The following GRIN2A variants were observed in gnomAD, a reference collection of about 807,000 sequenced individuals.
GRIN2A encodes the protein glutamate receptor ionotropic, NMDA 2A.
Under a neutral mutation model 113.4 loss-of-function variants are expected in GRIN2A, and 22 were observed. The observed-to-expected ratio is 0.19, with a 90% confidence interval of 0.14 to 0.28. GRIN2A has a LOEUF of 0.28. Among genes scored for constraint, GRIN2A ranks in the 10% least tolerant of loss-of-function variants. The pLI, the probability that GRIN2A is intolerant of heterozygous loss-of-function variation, is 1.00. For synonymous variants in GRIN2A, 827 were observed against 738.4 expected, an observed-to-expected ratio of 1.12 and a Z score of -1.94; for missense variants, 1,502 against 1,887.0, an observed-to-expected ratio of 0.80 and a Z score of 3.78.
chr16:10,162,047 G>A (rs943513223), intron 2 of GRIN2A, among the ~76,000 whole-genome samples: 39 of 152,216 alleles, frequency 2.6e-4, no homozygotes, highest in African/African-American at 9.2e-4. Flanking sequence ...GAATTAGAAT[G>A]TGGATGTCTT....
intron 2 of GRIN2A, among the ~76,000 whole-genome samples, chr16:10,170,706 G>A (rs1000404956): frequency 2.6e-5 from 4 of 151,654 alleles, no homozygotes; most frequent in East Asian, 1.9e-4. Context: ...TGAGACCCCC[G>A]TCTCTACCAA....
intron 2 of GRIN2A, among the ~76,000 whole-genome samples, chr16:10,123,481 G>A (rs576333294): frequency 2.0e-5 from 3 of 152,240 alleles, no homozygotes; most frequent in East Asian, 1.9e-4. Flanking sequence ...TACTGAAGTC[G>A]CACGTTGTTT....
At chr16:9,924,810 C>T (rs1051200077) in intron 3 of GRIN2A, among the ~76,000 whole-genome samples, 12 of 152,084 alleles carry the variant, frequency 7.9e-5, no homozygotes, top group Admixed American at 2.0e-4. Context: ...ATTAATCCAT[C>T]CAGTGTAGTT....
intron 2 of GRIN2A, among the ~76,000 whole-genome samples, chr16:9,972,682 G>T (rs1288227503): frequency 6.6e-6 from 1 of 152,242 alleles, no homozygotes; most frequent in African/African-American, 2.4e-5. Flanking sequence ...AGAGCTTGAA[G>T]ATAGATCAAT....
chr16:9,755,961 C>G lies in GRIN2A; in HGVS notation c.*7188G>C. On this transcript the variant is annotated 3_prime_UTR_variant, in exon 13 of 13. Transcript: ENST00000330684. ...GCTCTCCATCATTCATGCAGAAACT[C>G]TATTTCCTATTCCCTGTCCCACCTC... 4.6e-6 allele frequency: 1 copy of G among 217,856 alleles called. No individual in the cohort carries two copies. 13.5% of individuals were successfully genotyped at this position (217,856 alleles called of 1,614,324 possible).
intron 2 of GRIN2A, among the ~76,000 whole-genome samples, chr16:10,039,807 G>GA (rs1567253916): frequency 0.011 from 947 of 84,786 alleles, 72 homozygotes; most frequent in African/African-American, 0.039. Context: ...GGGGAGGGGG[G>GA]GGAGAAAGAG....
chr16:10,157,164 G>C (rs1388320823), intron 2 of GRIN2A, among the ~76,000 whole-genome samples: 1 of 152,218 alleles, frequency 6.6e-6, no homozygotes, highest in Non-Finnish European at 1.5e-5. Context: ...TCAGGTGGAA[G>C]GTGATAAGGA....
At chr16:9,840,828 AAAAAAGAG>A in intron 6 of GRIN2A, 28 bp from the exon 7 acceptor site, 1 of 1,511,104 alleles carries the variant, frequency 6.6e-7, no homozygotes, top group Non-Finnish European at 9.0e-7. Context: ...AAAAAAAAAA[AAAAAAGAG>A]AGAGAGAGAA....
intron 2 of GRIN2A, among the ~76,000 whole-genome samples, chr16:10,103,384 T>C (rs1438064944): frequency 3.9e-5 from 6 of 152,018 alleles, no homozygotes. Context: ...AATATATGAG[T>C]CTCTGAAGGG....
At chr16:10,055,126 T>C (rs1016798455) in intron 2 of GRIN2A, among the ~76,000 whole-genome samples, 10 of 74,030 alleles carry the variant, frequency 1.4e-4, no homozygotes, top group African/African-American at 4.5e-4. Flanking sequence ...AAAAAAACAG[T>C]AGTTGGAAAA....
Position 9,798,477 on chromosome 16 carries a change from G to C in GRIN2A, c.2169-13C>G. 2 of 1,613,232 alleles carry C rather than the reference G, an allele frequency of 1.2e-6. No individual in the cohort carries two copies. The highest frequency in any genetic ancestry group is 1.7e-6 in the Non-Finnish European group (2 of 1,179,240). ...AGCGTCCAGCTTCCTGAAATGACAA[G>C]AAACCAGGGGGTCATAGGGGTGGCC... is the stretch of plus-strand genomic sequence containing the variant. On this transcript the variant is annotated splice_polypyrimidine_tract_variant and intron_variant, in intron 10 of 12. Coordinates refer to ENST00000330684, the MANE Select transcript of GRIN2A (RefSeq NM_001134407.3).
chr16:10,101,850 TG>T (rs2048405368), intron 2 of GRIN2A, among the ~76,000 whole-genome samples: 1 of 152,150 alleles, frequency 6.6e-6, no homozygotes, highest in African/African-American at 2.4e-5. Flanking sequence ...TGCTATAATT[TG>T]GGGGATATTT....
At chr16:10,136,334 A>G (rs548417305) in intron 2 of GRIN2A, among the ~76,000 whole-genome samples, 1 of 152,202 alleles carries the variant, frequency 6.6e-6, no homozygotes, top group Non-Finnish European at 1.5e-5. Context: ...GTAAATCTCC[A>G]GCTAAAAACA....
intron 2 of GRIN2A, among the ~76,000 whole-genome samples, chr16:9,949,536 A>G (rs898990547): frequency 1.5e-4 from 23 of 151,492 alleles, no homozygotes; most frequent in Admixed American, 4.6e-4. Context: ...GAACAGATGG[A>G]TGGATGGTTG....
At chr16:10,177,252 T>C (rs2050166687) in intron 2 of GRIN2A, among the ~76,000 whole-genome samples, 1 of 152,162 alleles carries the variant, frequency 6.6e-6, no homozygotes, top group Non-Finnish European at 1.5e-5. Context: ...TCTAAATACA[T>C]CCCCAGTTTC....
intron 2 of GRIN2A, among the ~76,000 whole-genome samples, chr16:9,957,933 T>TC (rs2045343841): frequency 6.6e-6 from 1 of 152,156 alleles, no homozygotes; most frequent in African/African-American, 2.4e-5. Context: ...ATGAAGGGCT[T>TC]CCCCAAAGAA....
intron 3 of GRIN2A, among the ~76,000 whole-genome samples, chr16:9,903,689 A>T (rs2043977060): frequency 6.6e-6 from 1 of 152,202 alleles, no homozygotes. Flanking sequence ...CCTTCAGGTT[A>T]GACGCATCCT....
intron 4 of GRIN2A, among the ~76,000 whole-genome samples, chr16:9,863,934 G>A (rs2043116419): frequency 6.6e-6 from 1 of 152,184 alleles, no homozygotes. Flanking sequence ...AGGAGGAGAT[G>A]TGAAGGTAAC....
intron 2 of GRIN2A, among the ~76,000 whole-genome samples, chr16:10,114,702 G>A (rs996643473): frequency 6.0e-4 from 92 of 152,314 alleles, no homozygotes; most frequent in African/African-American, 2.2e-3. Context: ...AAGGCAAACA[G>A]AGCCCAAAGC....
Sources: gnomAD v4.1 joint callset for allele counts (sites outside exome capture counted in the v4.1 genomes callset) on GRCh38, gnomAD v4.1.1 for gene constraint, MANE v1.5 for transcripts, NCBI Gene and HGNC (gene_info 2026-07-23, HGNC 2026-07-21) for gene names.